The following IQCM variants were observed in gnomAD, a reference collection of about 807,000 sequenced individuals.
The protein encoded by IQCM is IQ domain-containing protein M.
A neutral mutation model predicts 57.6 loss-of-function variants in IQCM; 45 were observed. That is an observed-to-expected ratio of 0.78 (90% CI 0.62 to 1.00). IQCM has a LOEUF of 1.00. Ranked by LOEUF, IQCM falls within the 50% of genes least tolerant of loss-of-function variation. IQCM has a pLI of 0.00. For missense variants in IQCM, 468 were observed against 511.6 expected, an observed-to-expected ratio of 0.91 and a Z score of 0.82; for synonymous variants, 148 against 158.9, an observed-to-expected ratio of 0.93 and a Z score of 0.51.
At chr4:149,586,844 A>G (rs2149998017) in intron 9 of IQCM, among the ~76,000 whole-genome samples, 1 of 151,868 alleles carries the variant, frequency 6.6e-6, no homozygotes, top group Admixed American at 6.6e-5. Flanking sequence ...TAACTGCTTT[A>G]AAGCCATTAT....
intron 2 of IQCM, among the ~76,000 whole-genome samples, chr4:149,801,008 A>G (rs906454010): frequency 6.6e-6 from 1 of 151,808 alleles, no homozygotes; most frequent in African/African-American, 2.4e-5. Context: ...ATCACAAAAG[A>G]CTCCGAATAG....
chr4:149,594,051 C>T (rs1753506362), intron 8 of IQCM, among the ~76,000 whole-genome samples: 1 of 152,090 alleles, frequency 6.6e-6, no homozygotes, highest in African/African-American at 2.4e-5. Flanking sequence ...CCTCCTTGTA[C>T]CTCTGGTAGA....
At chr4:149,395,384 C>T (rs1560800546) in intron 13 of IQCM, among the ~76,000 whole-genome samples, 1 of 152,002 alleles carries the variant, frequency 6.6e-6, no homozygotes, top group Non-Finnish European at 1.5e-5. Flanking sequence ...ATATCATTTG[C>T]TGAATATGGC....
At chr4:149,790,651 A>G (rs376001024) in intron 2 of IQCM, among the ~76,000 whole-genome samples, 4 of 152,328 alleles carry the variant, frequency 2.6e-5, no homozygotes, top group South Asian at 4.1e-4. Context: ...TGACACTCAA[A>G]TGAAGTTACT....
chr4:149,566,751 A>G (rs1185714046), intron 9 of IQCM, among the ~76,000 whole-genome samples: 2 of 152,226 alleles, frequency 1.3e-5, no homozygotes, highest in Non-Finnish European at 2.9e-5. Context: ...AAACAGATGT[A>G]CTTTGATCAA....
At chr4:149,437,198 G>A (rs894232110) in intron 12 of IQCM, among the ~76,000 whole-genome samples, 2 of 152,010 alleles carry the variant, frequency 1.3e-5, no homozygotes, top group African/African-American at 2.4e-5. Context: ...CAATAGTTAC[G>A]AGTGAACTGG....
chr4:149,813,748 T>A (rs1774805668), intron 2 of IQCM, among the ~76,000 whole-genome samples: 1 of 152,112 alleles, frequency 6.6e-6, no homozygotes, highest in Non-Finnish European at 1.5e-5. Flanking sequence ...CATCTCCAGA[T>A]AAGGAATACC....
intron 13 of IQCM, among the ~76,000 whole-genome samples, chr4:149,353,748 T>C (rs184984187): frequency 6.6e-6 from 1 of 152,098 alleles, no homozygotes; most frequent in African/African-American, 2.4e-5. Flanking sequence ...TATACAGACA[T>C]AGAGAATCAA....
chr4:149,533,532 C>A (rs774945924), intron 12 of IQCM, among the ~76,000 whole-genome samples: 1 of 151,984 alleles, frequency 6.6e-6, no homozygotes, highest in African/African-American at 2.4e-5. Context: ...AAGACATACC[C>A]GAGACTGGGT....
chr4:149,685,013 T>G (rs2150211323), intron 6 of IQCM, among the ~76,000 whole-genome samples: 1 of 151,548 alleles, frequency 6.6e-6, no homozygotes, highest in Admixed American at 6.6e-5. Flanking sequence ...GAAGTTAGGG[T>G]GTCAAGGGAC....
intron 5 of IQCM, among the ~76,000 whole-genome samples, chr4:149,716,328 C>A (rs1580107599): frequency 6.6e-6 from 1 of 152,190 alleles, no homozygotes; most frequent in Admixed American, 6.5e-5. Context: ...TTGGCTGGGT[C>A]GTGACAGTGC....
At chr4:149,427,795 A>G (rs1391201087) in intron 13 of IQCM, among the ~76,000 whole-genome samples, 1 of 151,966 alleles carries the variant, frequency 6.6e-6, no homozygotes, top group Non-Finnish European at 1.5e-5. Flanking sequence ...TGCAACTACC[A>G]AAGAAAATCA....
At chr4:149,746,391 C>T (rs1422920752) in intron 2 of IQCM, among the ~76,000 whole-genome samples, 1 of 152,192 alleles carries the variant, frequency 6.6e-6, no homozygotes, top group Non-Finnish European at 1.5e-5. Flanking sequence ...CTCCCAGCCA[C>T]AATCATTTCA....
chr4:149,806,089 T>A (rs75096931), intron 2 of IQCM, among the ~76,000 whole-genome samples: 4,335 of 151,718 alleles, frequency 0.029, 213 homozygotes, highest in African/African-American at 0.099. Flanking sequence ...AAATAGAAAC[T>A]TTGATTGTCA....
intron 2 of IQCM, among the ~76,000 whole-genome samples, chr4:149,798,596 A>G (rs921163544): frequency 6.6e-6 from 1 of 152,054 alleles, no homozygotes; most frequent in South Asian, 2.1e-4. Context: ...GTTGCCTACA[A>G]GAAACACACT....
At chr4:149,593,877 C>A (rs1223058718) in intron 8 of IQCM, among the ~76,000 whole-genome samples, 3 of 151,934 alleles carry the variant, frequency 2.0e-5, no homozygotes, top group Non-Finnish European at 4.4e-5. Flanking sequence ...TATTGAGGAT[C>A]TTTGCATCGA....
intron 5 of IQCM, among the ~76,000 whole-genome samples, chr4:149,686,702 C>T (rs894339435): frequency 6.6e-6 from 1 of 151,522 alleles, no homozygotes; most frequent in Non-Finnish European, 1.5e-5. Context: ...AAATGAACTA[C>T]ATATATCAGA....
intron 2 of IQCM, among the ~76,000 whole-genome samples, chr4:149,770,026 T>A (rs1467636440): frequency 2.0e-5 from 3 of 150,754 alleles, no homozygotes; most frequent in African/African-American, 2.4e-5. Context: ...AGAAAAAAAA[T>A]AGAAAATATT....
chr4:149,482,784 G>C (rs915449171), intron 12 of IQCM, among the ~76,000 whole-genome samples: 1 of 150,412 alleles, frequency 6.6e-6, no homozygotes, highest in Non-Finnish European at 1.5e-5. Context: ...GGGTAATACT[G>C]TCTTCATATA....
Sources: allele counts gnomAD v4.1 joint callset (sites outside exome capture counted in the v4.1 genomes callset), GRCh38; gene constraint gnomAD v4.1.1; transcripts MANE v1.5; gene names NCBI Gene and HGNC (gene_info 2026-07-23, HGNC 2026-07-21).